Variants in PDGFRL observed in about 807,000 individuals in gnomAD.
The protein encoded by PDGFRL is platelet derived growth factor receptor like.
A neutral mutation model predicts 37.2 loss-of-function variants in PDGFRL; 46 were observed. That is an observed-to-expected ratio of 1.24 (90% CI 0.98 to 1.58). The LOEUF is 1.58. Among genes scored for constraint, PDGFRL ranks in the 40% most tolerant of loss-of-function variants. The pLI, the probability that PDGFRL is intolerant of heterozygous loss-of-function variation, is 0.00. For synonymous variants in PDGFRL, 251 were observed against 184.3 expected (o/e 1.36, Z -2.93); for missense variants, 692 against 467.6 (o/e 1.48, Z -4.43).
intron 4 of PDGFRL, 136 bp from the exon 5 acceptor site, chr8:17,633,938 C>T: frequency 1.1e-6 from 1 of 876,648 alleles, no homozygotes; most frequent in Non-Finnish European, 1.9e-6. Flanking sequence ...TGGGCTCACA[C>T]TGTCCTCGCA....
Position 17,628,565 on chromosome 8 carries a change from C to G in PDGFRL, c.584C>G (p.Pro195Arg), listed in dbSNP as rs943900456. Residue 195 changes from proline to arginine, a missense_variant, in exon 4 of 6, where the codon CCT becomes CGT. By Grantham distance (103) the Pro-to-Arg change is moderately radical. Coordinates refer to ENST00000251630, the MANE Select transcript of PDGFRL (RefSeq NM_001372073.1). ...AACCCGGACAGACAGGCTGTGGTTCCTTGTCGGGTGACCGTGCTGTCGGCC... is the reference window on the plus strand; with the variant it reads ...AACCCGGACAGACAGGCTGTGGTTCGTTGTCGGGTGACCGTGCTGTCGGCC... ...YLNPDRQAVV[P>R]CRVTVLSAKV... The G allele has an allele frequency of 3.1e-6, 5 of 1,614,108 alleles. No individual in the cohort carries two copies. Among genetic ancestry groups the G allele is most frequent in the Non-Finnish European group, 4.2e-6 (5 of 1,179,948 alleles).
chr8:17,579,130 G>A (rs71526137), intron 1 of PDGFRL, among the ~76,000 whole-genome samples: 46 of 152,284 alleles, frequency 3.0e-4, no homozygotes, highest in African/African-American at 9.4e-4. Flanking sequence ...CTGGGAGGCA[G>A]AGGTTGCAGT....
At chr8:17,598,546 G>C (rs1444997880) in intron 2 of PDGFRL, among the ~76,000 whole-genome samples, 1 of 152,198 alleles carries the variant, frequency 6.6e-6, no homozygotes, top group African/African-American at 2.4e-5. Context: ...AGTATTTAAA[G>C]ATAATTACTG....
intron 5 of PDGFRL, among the ~76,000 whole-genome samples, chr8:17,635,057 A>G (rs530251209): frequency 5.9e-5 from 9 of 152,214 alleles, no homozygotes; most frequent in South Asian, 2.1e-4. Flanking sequence ...CAGTCTTTCA[A>G]TCCCATCTTC....
intron 3 of PDGFRL, among the ~76,000 whole-genome samples, chr8:17,623,788 C>T (rs1030311272): frequency 1.3e-5 from 2 of 150,486 alleles, no homozygotes; most frequent in East Asian, 2.0e-4. Flanking sequence ...GCAGGAGGAT[C>T]GCCTGAATCT....
intron 2 of PDGFRL, among the ~76,000 whole-genome samples, chr8:17,613,136 G>A (rs551747724): frequency 2.6e-4 from 39 of 152,176 alleles, no homozygotes; most frequent in African/African-American, 7.9e-4. Context: ...CTGTCATTGC[G>A]GTAGCTAACA....
intron 2 of PDGFRL, among the ~76,000 whole-genome samples, chr8:17,603,224 T>C (rs1804202839): frequency 6.6e-6 from 1 of 152,148 alleles, no homozygotes; most frequent in South Asian, 2.1e-4. Flanking sequence ...CCTCAAGTGA[T>C]CCACCCACCA....
At chr8:17,580,522 G>C (rs1047136090) in intron 1 of PDGFRL, among the ~76,000 whole-genome samples, 1 of 152,156 alleles carries the variant, frequency 6.6e-6, no homozygotes, top group African/African-American at 2.4e-5. Context: ...GAGAGATCTG[G>C]TGGTCAGAGG....
At chr8:17,598,135 A>G (rs3915957) in intron 2 of PDGFRL, among the ~76,000 whole-genome samples, 3,981 of 152,306 alleles carry the variant, frequency 0.026, 176 homozygotes, top group African/African-American at 0.089. Context: ...GTCTTATCCT[A>G]TATGTTTCCT....
In PDGFRL at chr8:17,614,332, C is replaced by CT. The variant is rs574987338; in HGVS notation, c.354-6718dup. 7.5e-3 allele frequency among the ~76,000 whole-genome samples: 1,146 copies of CT among 152,266 alleles called. 21 individuals are homozygous for CT. Among genetic ancestry groups the CT allele is most frequent in the African/African-American group, 0.026 (1,074 of 41,540 alleles). On this transcript the variant is annotated intron_variant, in intron 2 of 5. Coordinates refer to ENST00000251630, the MANE Select transcript of PDGFRL (RefSeq NM_001372073.1). ...GTTTCAGTATGTTTTACCCAGCTGT[C>CT]TGTTTCCCAGGATCTGTACTCTGTT...
intron 2 of PDGFRL, among the ~76,000 whole-genome samples, chr8:17,616,204 ATTTATTTC>A (rs1804523825): frequency 7.4e-6 from 1 of 134,516 alleles, no homozygotes; most frequent in Admixed American, 7.8e-5. Flanking sequence ...TTATTTATTT[ATTTATTTC>A]TGAGAGGGAG....
At chr8:17,576,471 G>C (rs1803582012), upstream of PDGFRL, 1 of 153,980 alleles carries the variant, frequency 6.5e-6, no homozygotes, top group African/African-American at 2.4e-5. Context: ...GATGTGGCCT[G>C]TGTGCCGCCT....
intron 3 of PDGFRL, among the ~76,000 whole-genome samples, chr8:17,622,892 C>T (rs1017956828): frequency 6.6e-6 from 1 of 152,032 alleles, no homozygotes; most frequent in East Asian, 1.9e-4. Context: ...AGTCACTCCA[C>T]GTTGATTTAT....
At chr8:17,607,009 C>T in intron 2 of PDGFRL, among the ~76,000 whole-genome samples, 1 of 150,838 alleles carries the variant, frequency 6.6e-6, no homozygotes. Flanking sequence ...AATTCTCCTG[C>T]CTCAGGCTCC....
At chr8:17,617,969 G>A (rs1430042310) in intron 2 of PDGFRL, among the ~76,000 whole-genome samples, 4 of 144,260 alleles carry the variant, frequency 2.8e-5, no homozygotes, top group South Asian at 2.4e-4. Context: ...GGAGACTGTC[G>A]CCTCCATTTT....
At chr8:17,603,381 C>G (rs1465398157) in intron 2 of PDGFRL, among the ~76,000 whole-genome samples, 2 of 152,190 alleles carry the variant, frequency 1.3e-5, no homozygotes, top group Non-Finnish European at 2.9e-5. Context: ...CCTGCTGGGT[C>G]TTTCAGGAGC....
At chr8:17,609,040 G>C (rs1163497379) in intron 2 of PDGFRL, among the ~76,000 whole-genome samples, 1 of 152,122 alleles carries the variant, frequency 6.6e-6, no homozygotes, top group Middle Eastern at 3.2e-3. Flanking sequence ...GCAAAATAGT[G>C]AGACCCCATC....
At chr8:17,583,840 A>G (rs1030124895) in intron 1 of PDGFRL, among the ~76,000 whole-genome samples, 1 of 151,968 alleles carries the variant, frequency 6.6e-6, no homozygotes, top group Non-Finnish European at 1.5e-5. Context: ...GCATATACCT[A>G]TTCTCCTTCA....
chr8:17,590,236 CA>C (rs770779669), intron 2 of PDGFRL, among the ~76,000 whole-genome samples: 20 of 35,606 alleles, frequency 5.6e-4, no homozygotes, highest in Admixed American at 1.1e-3. Flanking sequence ...GACTCCATCT[CA>C]AAAAAAAAAA....
Sources: gnomAD v4.1 joint callset for allele counts (sites outside exome capture counted in the v4.1 genomes callset) on GRCh38, gnomAD v4.1.1 for gene constraint, MANE v1.5 for transcripts, NCBI Gene and HGNC (gene_info 2026-07-23, HGNC 2026-07-21) for gene names.